The following RARS1 variants were observed in gnomAD, a reference collection of about 807,000 sequenced individuals.
RARS1 encodes arginyl-tRNA synthetase 1.
Under a neutral mutation model 78.7 loss-of-function variants are expected in RARS1, and 75 were observed. That is an observed-to-expected ratio of 0.95 (90% CI 0.79 to 1.15). RARS1 has a LOEUF of 1.15. Among genes scored for constraint, RARS1 ranks in the 50% most tolerant of loss-of-function variants. RARS1 has a pLI of 0.00. For missense variants in RARS1, 787 were observed against 787.5 expected (o/e 1.00, Z 0.01); for synonymous variants, 273 against 268.2 (o/e 1.02, Z -0.18).
intron 9 of RARS1, 48 bp downstream of exon 9, chr5:168,502,153 G>T: frequency 6.4e-7 from 1 of 1,565,678 alleles, no homozygotes; most frequent in Non-Finnish European, 8.6e-7. Context: ...TTCAAACATA[G>T]GCAAAAGTGG....
rs762231179 is a variant in RARS1 at position 168,497,325 on chromosome 5, G to T, written c.799G>T (p.Gly267Trp). Reference sequence around the variant, plus strand: ...TTATCTAACAGTTTCACCTCCTATTGGGGATCTTCAGGTCTTTTATAAGGT... The same window carrying T: ...TTATCTAACAGTTTCACCTCCTATTTGGGATCTTCAGGTCTTTTATAAGGT... Reference protein sequence around the residue: ...PDYLTVSPPIGDLQVFYKESK... With the variant: ...PDYLTVSPPIWDLQVFYKESK... Residue 267 changes from glycine (G) to tryptophan (W), a missense_variant, in exon 7 of 15, where the codon GGG becomes TGG. Gly to Trp is a radical substitution (Grantham distance 184, BLOSUM62 -2). Coordinates refer to ENST00000231572, the MANE Select transcript of RARS1 (RefSeq NM_002887.4). The T allele has an allele frequency of 2.5e-6, 4 of 1,583,326 alleles. No homozygotes were observed. The South Asian group carries it at 4.8e-5, about 19-fold the overall frequency.
In RARS1 at chr5:168,516,951, G is replaced by A; in HGVS notation, c.1625+1G>A. On this transcript the variant is annotated splice_donor_variant, in intron 13 of 14. Transcript: ENST00000231572. LOFTEE classifies it high-confidence loss of function. ...TGTTGTATGCCTTCACTAGAATCAG[G>A]TAATTGTGGGTAGGCATTGTTTTAT... 5 of 1,612,114 alleles carry A rather than the reference G, an allele frequency of 3.1e-6. No individual in the cohort carries two copies. The highest frequency in any genetic ancestry group is 4.2e-6 in the Non-Finnish European group (5 of 1,178,330).
intron 12 of RARS1, among the ~76,000 whole-genome samples, chr5:168,511,316 C>T (rs187388304): frequency 1.3e-5 from 2 of 151,614 alleles, no homozygotes; most frequent in East Asian, 3.9e-4. Context: ...GAGCATGGCA[C>T]CAACATCAGT....
chr5:168,497,211 T>G lies in RARS1; in HGVS notation c.702-17T>G, dbSNP rs1348318104. On this transcript the variant is annotated splice_polypyrimidine_tract_variant and intron_variant, in intron 6 of 14. Coordinates refer to ENST00000231572, the MANE Select transcript of RARS1 (RefSeq NM_002887.4). ...TATTATTTAAAAAATGATTATATATTCTCTGATTGGTGTTAGGTTAAATCA... is the reference window on the plus strand; with the variant it reads ...TATTATTTAAAAAATGATTATATATGCTCTGATTGGTGTTAGGTTAAATCA... The G allele has an allele frequency of 2.8e-6, 4 of 1,443,826 alleles. No individual in the cohort carries two copies. The highest frequency in any genetic ancestry group is 5.9e-5 in the Admixed American group (2 of 34,142). 89.4% of individuals were successfully genotyped at this position (1,443,826 alleles called of 1,614,324 possible).
intron 12 of RARS1, among the ~76,000 whole-genome samples, chr5:168,512,826 C>T (rs1208347981): frequency 6.6e-6 from 1 of 152,202 alleles, no homozygotes; most frequent in Non-Finnish European, 1.5e-5. Flanking sequence ...AAATGTTAAT[C>T]TCCTTTGGCA....
intron 5 of RARS1, 69 bp from the exon 6 acceptor site, chr5:168,495,246 C>G (rs1758159893): frequency 1.3e-6 from 2 of 1,536,428 alleles, no homozygotes; most frequent in South Asian, 1.3e-5. Flanking sequence ...TTATGCTCCT[C>G]TTAAAAAAAT....
intron 6 of RARS1, 192 bp from the exon 7 acceptor site, chr5:168,497,036 A>G: frequency 2.3e-6 from 1 of 426,340 alleles, no homozygotes; most frequent in Non-Finnish European, 4.0e-6. Flanking sequence ...AGCTGAATGT[A>G]ACAGACATAG....
chr5:168,493,633 CAAAAAAAAAAA>C (rs35001933), intron 3 of RARS1, among the ~76,000 whole-genome samples: 14 of 78,236 alleles, frequency 1.8e-4, no homozygotes, highest in African/African-American at 6.4e-4. Flanking sequence ...GACTCCATCT[CAAAAAAAAAAA>C]AAAAAAAAAA....
In RARS1 at chr5:168,502,367, T is replaced by TAC. The variant is rs1444355997; in HGVS notation, c.1057+263_1057+264insCA. Among the ~76,000 whole-genome samples, 17 of 90,310 alleles carry TAC rather than the reference T, an allele frequency of 1.9e-4. No homozygotes were observed. The East Asian group carries it at 7.6e-3, about 40-fold the overall frequency. The allele number at this position is 90,310 out of a possible 152,430, so 59.2% of individuals were successfully genotyped here. On this transcript the variant is annotated intron_variant, in intron 9 of 14. Coordinates refer to ENST00000231572, the MANE Select transcript of RARS1 (RefSeq NM_002887.4). ...CAATATCATTATAATAACAAATATATATATATATATATATATATTTTTTTT... is the reference window on the plus strand; with the variant it reads ...CAATATCATTATAATAACAAATATATACATATATATATATATATATTTTTTTT...
intron 2 of RARS1, among the ~76,000 whole-genome samples, chr5:168,489,388 A>G (rs1758034530): frequency 6.6e-6 from 1 of 152,234 alleles, no homozygotes; most frequent in Admixed American, 6.5e-5. Context: ...TGATTTTTAA[A>G]TCATTGCCTC....
intron 5 of RARS1, 86 bp downstream of exon 5, chr5:168,494,736 A>G (rs1266264672): frequency 2.1e-6 from 2 of 967,076 alleles, no homozygotes; most frequent in Non-Finnish European, 3.2e-6. Flanking sequence ...AGTCTCAGCT[A>G]CTTGGGAGGC....
intron 12 of RARS1, among the ~76,000 whole-genome samples, chr5:168,514,133 T>A (rs922195538): frequency 6.6e-6 from 1 of 152,194 alleles, no homozygotes; most frequent in African/African-American, 2.4e-5. Context: ...AGACTTTTTT[T>A]AGTATTTTTC....
chr5:168,503,022 T>C (rs1758363577), intron 9 of RARS1, among the ~76,000 whole-genome samples: 1 of 152,264 alleles, frequency 6.6e-6, no homozygotes, highest in African/African-American at 2.4e-5. Flanking sequence ...ATTCCTTGTC[T>C]GTGTTTCTCT....
chr5:168,507,364 A>G (rs1330787352), intron 11 of RARS1, among the ~76,000 whole-genome samples: 1 of 152,172 alleles, frequency 6.6e-6, no homozygotes, highest in Non-Finnish European at 1.5e-5. Flanking sequence ...CTCAATATTT[A>G]TAAAATAAAA....
intron 7 of RARS1, chr5:168,497,858 T>G (rs965341482): frequency 6.6e-6 from 1 of 151,706 alleles, no homozygotes; most frequent in Non-Finnish European, 1.5e-5. Flanking sequence ...ACCCTACATT[T>G]GGTTGTATGC....
At chr5:168,516,483 C>A (rs923858325) in intron 12 of RARS1, among the ~76,000 whole-genome samples, 4 of 152,158 alleles carry the variant, frequency 2.6e-5, no homozygotes, top group African/African-American at 9.7e-5. Flanking sequence ...ATAATTGATG[C>A]TTCTGGTTTC....
At chr5:168,490,679 G>A (rs1309943647) in intron 2 of RARS1, among the ~76,000 whole-genome samples, 1 of 152,138 alleles carries the variant, frequency 6.6e-6, no homozygotes, top group African/African-American at 2.4e-5. Context: ...TTGGCCACAT[G>A]CTCTGACTTG....
At chr5:168,510,707 C>T (rs1341531125) in intron 12 of RARS1, 21 bp downstream of exon 12, 24 of 1,513,934 alleles carry the variant, frequency 1.6e-5, no homozygotes, top group Non-Finnish European at 2.1e-5. Context: ...GCCTTATAGG[C>T]ATAATGTGTA....
intron 13 of RARS1, among the ~76,000 whole-genome samples, chr5:168,517,206 G>A (rs765222076): frequency 6.6e-6 from 1 of 151,910 alleles, no homozygotes; most frequent in Admixed American, 6.6e-5. Flanking sequence ...GCAGTGGCGC[G>A]ATCTCGGCTC....
Sources: gnomAD v4.1 joint callset for allele counts (sites outside exome capture counted in the v4.1 genomes callset) on GRCh38, gnomAD v4.1.1 for gene constraint, MANE v1.5 for transcripts, NCBI Gene and HGNC (gene_info 2026-07-23, HGNC 2026-07-21) for gene names.